The following COL28A1 variants were observed in gnomAD, a reference collection of about 807,000 sequenced individuals.
COL28A1 encodes the protein collagen type XXVIII alpha 1 chain, also known as collagen alpha-1(XXVIII) chain.
In COL28A1, 161 loss-of-function variants were observed where a neutral mutation model predicts 150.2. The observed-to-expected ratio is 1.07, with a 90% CI of 0.94 to 1.22. COL28A1 has a LOEUF of 1.22. Among genes scored for constraint, COL28A1 ranks in the 50% most tolerant of loss-of-function variants. COL28A1 has a pLI of 0.00. For missense variants in COL28A1, 1,617 were observed against 1,388.3 expected (o/e 1.16, Z -2.62); for synonymous variants, 552 against 469.7 (o/e 1.18, Z -2.26).
intron 25 of COL28A1, among the ~76,000 whole-genome samples, chr7:7,429,450 T>C (rs1784825475): frequency 7.5e-6 from 1 of 133,336 alleles, no homozygotes; most frequent in Admixed American, 7.4e-5. Context: ...ACTCTCTTTC[T>C]CTCTGTGCTC....
chr7:7,378,205 T>C (rs553663634), intron 30 of COL28A1, among the ~76,000 whole-genome samples: 15 of 152,300 alleles, frequency 9.8e-5, no homozygotes, highest in South Asian at 8.3e-4. Flanking sequence ...AAAAGTAAGA[T>C]TGCCTAGAAC....
chr7:7,523,032 G>T (rs1325239641), intron 4 of COL28A1, among the ~76,000 whole-genome samples: 1 of 151,934 alleles, frequency 6.6e-6, no homozygotes, highest in Non-Finnish European at 1.5e-5. Flanking sequence ...ATATGAAAGT[G>T]ATACAGGATT....
chr7:7,434,629 T>G (rs1785213258), intron 23 of COL28A1, among the ~76,000 whole-genome samples: 1 of 152,208 alleles, frequency 6.6e-6, no homozygotes, highest in African/African-American at 2.4e-5. Flanking sequence ...ATGCAAACAC[T>G]CACAGTTTAC....
intron 13 of COL28A1, among the ~76,000 whole-genome samples, chr7:7,486,642 G>C (rs929034363): frequency 1.3e-5 from 2 of 152,138 alleles, no homozygotes; most frequent in African/African-American, 4.8e-5. Context: ...AGATTTATCA[G>C]CGTTTATTAG....
chr7:7,526,455 C>T (rs1190837498), intron 3 of COL28A1, among the ~76,000 whole-genome samples: 1 of 152,020 alleles, frequency 6.6e-6, no homozygotes, highest in Non-Finnish European at 1.5e-5. Flanking sequence ...TATTTCAAAC[C>T]ACGTCAGAGA....
intron 5 of COL28A1, 98 bp from the exon 6 acceptor site, chr7:7,520,213 G>T: frequency 1.6e-6 from 1 of 628,062 alleles, no homozygotes; most frequent in South Asian, 2.5e-5. Context: ...TAGAATGAGG[G>T]AGAATTGTAA....
chr7:7,376,919 A>G lies in COL28A1; in HGVS notation c.2323-1422T>C, dbSNP rs539933832. ...CTGACACCTCCAACAGCAGTATATA[A>G]GAAAATCTGTTTTATTTTAGCCACA... On this transcript the variant is annotated intron_variant, in intron 30 of 34. Transcript: ENST00000399429. Among the ~76,000 whole-genome samples, 6 of 152,296 alleles carry G rather than the reference A, an allele frequency of 3.9e-5. No homozygotes were observed. In the South Asian group the frequency reaches 6.2e-4, roughly 16 times the overall value.
At chr7:7,542,533 A>G in the COL28A1 span, among the ~76,000 whole-genome samples, 1 of 152,218 alleles carries the variant, frequency 6.6e-6, no homozygotes, top group East Asian at 1.9e-4. Flanking sequence ...AGCAAGAGCA[A>G]TATAGTGTGA....
intron 20 of COL28A1, among the ~76,000 whole-genome samples, 179 bp from the exon 21 acceptor site, chr7:7,441,040 G>C (rs1456081968): frequency 6.6e-6 from 1 of 152,196 alleles, no homozygotes; most frequent in Non-Finnish European, 1.5e-5. Flanking sequence ...GATGACTTCA[G>C]ATTGTTCAGC....
At position 7,478,858 on chromosome 7, in the gene COL28A1, T is replaced by A. The variant is rs1271821178; in HGVS notation, c.1165-1678A>T. Among the ~76,000 whole-genome samples, 6 of 152,242 alleles carry A rather than the reference T, an allele frequency of 3.9e-5. No individual in the cohort carries two copies. The East Asian group carries it at 9.6e-4, about 24-fold the overall frequency. On this transcript the variant is annotated intron_variant, in intron 13 of 34. Coordinates refer to ENST00000399429, the MANE Select transcript of COL28A1 (RefSeq NM_001037763.3). ...CCAAGTGCGGGGCCCGCCAAGCCCA[T>A]GCCCACCCGGAATTCTAGCTGGCCT...
At chr7:7,394,775 T>G (rs927198916) in intron 27 of COL28A1, among the ~76,000 whole-genome samples, 4 of 152,236 alleles carry the variant, frequency 2.6e-5, no homozygotes, top group African/African-American at 9.6e-5. Context: ...ATCTTTTCCC[T>G]TCCTGTTTGA....
the COL28A1 span, among the ~76,000 whole-genome samples, chr7:7,338,988 TA>T: frequency 1.3e-5 from 2 of 152,100 alleles, no homozygotes; most frequent in African/African-American, 2.4e-5. Context: ...CCCAAGCCAA[TA>T]AAAAAATCAA....
chr7:7,388,534 T>G lies in COL28A1; in HGVS notation c.2137-6922A>C, dbSNP rs554539436. Among the ~76,000 whole-genome samples the G allele has an allele frequency of 3.3e-4, 50 of 152,322 alleles. 1 individual carries two copies. In the South Asian group the frequency reaches 9.5e-3, roughly 29 times the overall value. On this transcript the variant is annotated intron_variant, in intron 27 of 34. Coordinates refer to ENST00000399429, the MANE Select transcript of COL28A1 (RefSeq NM_001037763.3). Reference sequence around the variant, plus strand: ...TTGGGTATATACCCAGTAATGGGATTGCTGGGTCAAATGGTATTTCTGGTT... The same window carrying G: ...TTGGGTATATACCCAGTAATGGGATGGCTGGGTCAAATGGTATTTCTGGTT...
intron 4 of COL28A1, 154 bp from the exon 5 acceptor site, chr7:7,522,115 T>A: frequency 2.9e-6 from 2 of 687,738 alleles, no homozygotes; most frequent in Non-Finnish European, 5.3e-6. Context: ...ACTGGAGCAC[T>A]CTCAAAGAAA....
chr7:7,449,103 A>G (rs1317014629), intron 18 of COL28A1, among the ~76,000 whole-genome samples: 1 of 152,152 alleles, frequency 6.6e-6, no homozygotes, highest in African/African-American at 2.4e-5. Flanking sequence ...TACTTTAAAC[A>G]TGTGCATTTA....
the COL28A1 span, among the ~76,000 whole-genome samples, chr7:7,338,727 A>T: frequency 6.6e-6 from 1 of 152,038 alleles, no homozygotes; most frequent in Admixed American, 6.6e-5. Context: ...TATTCTTTAC[A>T]TCTACTTATG....
intron 15 of COL28A1, among the ~76,000 whole-genome samples, chr7:7,472,723 A>G (rs1788540381): frequency 6.6e-6 from 1 of 152,206 alleles, no homozygotes; most frequent in Non-Finnish European, 1.5e-5. Context: ...CCAAAGCAAG[A>G]CTAAGCAAAA....
downstream of COL28A1, among the ~76,000 whole-genome samples, chr7:7,353,263 C>CAAA (rs1019479997): frequency 6.6e-6 from 1 of 152,176 alleles, no homozygotes; most frequent in Non-Finnish European, 1.5e-5. Flanking sequence ...AGGTGCAGAA[C>CAAA]AAAGACAAGA....
At chr7:7,407,361 C>T (rs1215012164) in intron 27 of COL28A1, among the ~76,000 whole-genome samples, 2 of 151,664 alleles carry the variant, frequency 1.3e-5, no homozygotes, top group Non-Finnish European at 2.9e-5. Context: ...GAATCTTAAA[C>T]AAGATAAATA....
Sources: allele counts gnomAD v4.1 joint callset (sites outside exome capture counted in the v4.1 genomes callset), GRCh38; gene constraint gnomAD v4.1.1; transcripts MANE v1.5; gene names NCBI Gene and HGNC (gene_info 2026-07-23, HGNC 2026-07-21).